The following SUGCT variants were observed in gnomAD, a reference collection of about 807,000 sequenced individuals.
The protein encoded by SUGCT is succinyl-CoA:glutarate-CoA transferase, also known as succinyl-CoA:glutarate CoA-transferase.
A neutral mutation model predicts 55.0 loss-of-function variants in SUGCT; 41 were observed. That is an observed-to-expected ratio of 0.74 (90% CI 0.58 to 0.97). SUGCT has a LOEUF of 0.97. SUGCT is among the 50% of genes least tolerant of loss of function. The pLI is 0.00. For missense variants in SUGCT, 568 were observed against 547.8 expected (o/e 1.04, Z -0.37); for synonymous variants, 187 against 200.4 (o/e 0.93, Z 0.56).
intron 11 of SUGCT, among the ~76,000 whole-genome samples, chr7:40,486,121 C>T (rs955954171): frequency 6.6e-6 from 1 of 152,138 alleles, no homozygotes; most frequent in Non-Finnish European, 1.5e-5. Flanking sequence ...TAGAATTCAG[C>T]TGTGAAACCA....
chr7:40,526,348 T>C (rs1793795547), intron 12 of SUGCT, among the ~76,000 whole-genome samples: 1 of 152,220 alleles, frequency 6.6e-6, no homozygotes, highest in Non-Finnish European at 1.5e-5. Flanking sequence ...CCTCAATAGC[T>C]GTTAACTGTT....
At chr7:40,489,001 A>G (rs567944382) in intron 11 of SUGCT, among the ~76,000 whole-genome samples, 1 of 152,222 alleles carries the variant, frequency 6.6e-6, no homozygotes, top group African/African-American at 2.4e-5. Flanking sequence ...ACAAATATTT[A>G]TATCTTTCTC....
the SUGCT span, among the ~76,000 whole-genome samples, chr7:40,933,035 C>G: frequency 6.6e-6 from 1 of 152,128 alleles, no homozygotes; most frequent in South Asian, 2.1e-4. Context: ...CATCGATGGT[C>G]TTTACAATTT....
At chr7:40,395,126 T>C (rs1785650956) in intron 9 of SUGCT, among the ~76,000 whole-genome samples, 1 of 152,198 alleles carries the variant, frequency 6.6e-6, no homozygotes, top group South Asian at 2.1e-4. Context: ...CAGTTTGCTC[T>C]GGATCCTTGC....
At chr7:40,249,321 A>ATATATATCTATATATATATC (rs1562612028) in intron 7 of SUGCT, among the ~76,000 whole-genome samples, 1 of 109,466 alleles carries the variant, frequency 9.1e-6, no homozygotes, top group Admixed American at 9.4e-5. Context: ...AGCTATATAT[A>ATATATATCTATATATATATC]TATATATATA....
the SUGCT span, among the ~76,000 whole-genome samples, chr7:40,894,934 A>G: frequency 3.8e-3 from 573 of 152,336 alleles, 27 homozygotes; most frequent in South Asian, 0.1. Flanking sequence ...TAGAACTACT[A>G]TTTGAACCAG....
At chr7:40,353,141 A>G (rs920148141) in intron 9 of SUGCT, among the ~76,000 whole-genome samples, 3 of 152,136 alleles carry the variant, frequency 2.0e-5, no homozygotes, top group Non-Finnish European at 4.4e-5. Context: ...TACTATCACT[A>G]AAGTCAAGAT....
In SUGCT at chr7:40,150,670, CAACAAAACAA is replaced by C. The variant is rs140041088; in HGVS notation, c.100+15572_100+15581del. Among the ~76,000 whole-genome samples the C allele has an allele frequency of 1.1e-4, 16 of 151,928 alleles. No homozygotes were observed. In the East Asian group the frequency reaches 1.6e-3, roughly 15 times the overall value. The stretch of plus-strand genomic sequence containing the variant: ...TGGGGAACAAGAGCGAAACTACACA[CAACAAAACAA>C]AACAAAACAAAACAAAACAAACTCT... On this transcript the variant is annotated intron_variant, in intron 1 of 13. Coordinates refer to ENST00000335693, the MANE Select transcript of SUGCT (RefSeq NM_001193313.2).
At chr7:40,718,339 T>A (rs1786136305) in intron 12 of SUGCT, among the ~76,000 whole-genome samples, 1 of 152,212 alleles carries the variant, frequency 6.6e-6, no homozygotes, top group African/African-American at 2.4e-5. Context: ...AAGTATGCAG[T>A]GTAAGCTGAC....
At chr7:41,030,035 C>T in the SUGCT span, among the ~76,000 whole-genome samples, 1 of 152,198 alleles carries the variant, frequency 6.6e-6, no homozygotes, top group Non-Finnish European at 1.5e-5. Context: ...AGAATAGCAT[C>T]TTTTACTTTA....
intron 12 of SUGCT, among the ~76,000 whole-genome samples, chr7:40,513,973 G>T (rs898163110): frequency 2.0e-5 from 3 of 151,684 alleles, no homozygotes; most frequent in Non-Finnish European, 4.4e-5. Flanking sequence ...TGTATTTTTA[G>T]TGTAGACAGG....
intron 9 of SUGCT, among the ~76,000 whole-genome samples, chr7:40,330,591 A>G (rs1796254728): frequency 6.6e-6 from 1 of 152,040 alleles, no homozygotes; most frequent in African/African-American, 2.4e-5. Flanking sequence ...CCTCTGTTTC[A>G]GTTAACAAGG....
intron 12 of SUGCT, among the ~76,000 whole-genome samples, chr7:40,696,194 C>T (rs1784929572): frequency 6.6e-6 from 1 of 152,222 alleles, no homozygotes; most frequent in Non-Finnish European, 1.5e-5. Flanking sequence ...CATTAATCCT[C>T]AGTCACCCAT....
intron 13 of SUGCT, among the ~76,000 whole-genome samples, chr7:40,764,905 G>C (rs895733264): frequency 6.6e-6 from 1 of 152,058 alleles, no homozygotes; most frequent in South Asian, 2.1e-4. Context: ...TTCTTTCTGT[G>C]GTGTGGAGGC....
At chr7:40,810,552 C>T (rs1489909333) in intron 13 of SUGCT, among the ~76,000 whole-genome samples, 2 of 152,040 alleles carry the variant, frequency 1.3e-5, no homozygotes, top group Non-Finnish European at 2.9e-5. Flanking sequence ...TTGTTGGCCA[C>T]TTGTATGTCT....
chr7:40,428,841 GTT>G (rs1031587529), intron 9 of SUGCT, among the ~76,000 whole-genome samples: 1 of 152,104 alleles, frequency 6.6e-6, no homozygotes, highest in African/African-American at 2.4e-5. Flanking sequence ...CTTTCACACT[GTT>G]TCATATTGCT....
At chr7:41,007,476 G>T in the SUGCT span, among the ~76,000 whole-genome samples, 1 of 152,194 alleles carries the variant, frequency 6.6e-6, no homozygotes, top group Non-Finnish European at 1.5e-5. Context: ...CTCTGGCCAA[G>T]AGTATTGTTC....
At chr7:40,514,086 G>A (rs778536785) in intron 12 of SUGCT, among the ~76,000 whole-genome samples, 1 of 151,870 alleles carries the variant, frequency 6.6e-6, no homozygotes, top group African/African-American at 2.4e-5. Flanking sequence ...CACCGTGCCC[G>A]GCATCAGGGA....
chr7:41,006,983 A>G, the SUGCT span, among the ~76,000 whole-genome samples: 1 of 152,168 alleles, frequency 6.6e-6, no homozygotes, highest in African/African-American at 2.4e-5. Context: ...CACAACATAT[A>G]TCTTTGTTAG....
Sources: allele counts gnomAD v4.1 joint callset (sites outside exome capture counted in the v4.1 genomes callset), GRCh38; gene constraint gnomAD v4.1.1; transcripts MANE v1.5; gene names NCBI Gene and HGNC (gene_info 2026-07-23, HGNC 2026-07-21).